Variants in JAG1 observed in about 807,000 individuals in gnomAD.
The protein encoded by JAG1 is protein jagged-1.
Under a neutral mutation model 148.7 loss-of-function variants are expected in JAG1, and 23 were observed. The observed-to-expected ratio is 0.15, with a 90% confidence interval of 0.11 to 0.22. The LOEUF is 0.22. Among genes scored for constraint, JAG1 ranks in the 10% least tolerant of loss-of-function variants. The probability of loss-of-function intolerance (pLI) is 1.00; values close to 1 mark genes in which losing one functional copy is unlikely to be tolerated. For synonymous variants in JAG1, 572 were observed against 598.3 expected, an observed-to-expected ratio of 0.96 and a Z score of 0.64; for missense variants, 1,054 against 1,611.2, an observed-to-expected ratio of 0.65 and a Z score of 5.92.
chr20:10,641,722 G>A, intron 22 of JAG1, 29 bp from the exon 23 acceptor site: 1 of 1,610,330 alleles, frequency 6.2e-7, no homozygotes, highest in South Asian at 1.1e-5. Context: ...TGGCAGCTTA[G>A]CAGGCATGCT....
At chr20:10,661,407 G>A (rs115265888) in intron 3 of JAG1, among the ~76,000 whole-genome samples, 283 of 152,302 alleles carry the variant, frequency 1.9e-3, no homozygotes, top group African/African-American at 6.6e-3. Flanking sequence ...TCCAGAGGGA[G>A]TGGCTGAGGG....
chr20:10,648,557 G>C lies in JAG1; in HGVS notation c.1561C>G (p.Leu521Val), dbSNP rs778085785. 5.6e-6 allele frequency: 9 copies of C among 1,613,456 alleles called. No individual in the cohort carries two copies. The South Asian group carries it at 9.9e-5, about 18-fold the overall frequency. Reference protein sequence around the residue: ...CLCPTGFSGNLCQLDIDYCEP... With the variant: ...CLCPTGFSGNVCQLDIDYCEP... Reference sequence around the variant, plus strand: ...GTTTTGCCACCACTCACCTGACAGAGGTTTCCAGAGAAACCAGTGGGACAC... The same window carrying C: ...GTTTTGCCACCACTCACCTGACAGACGTTTCCAGAGAAACCAGTGGGACAC... Residue 521 changes from leucine (L) to valine (V), a missense_variant, in exon 12 of 26, where the codon CTC becomes GTC. Physicochemically the swap from Leu to Val is conservative, Grantham distance 32 (BLOSUM62 1). This residue lies in a region of JAG1 where 245 missense variants were observed against 373.1 expected (regional missense o/e 0.66). Coordinates refer to ENST00000254958, the MANE Select transcript of JAG1 (RefSeq NM_000214.3).
In JAG1 at chr20:10,639,963, G is replaced by A; in HGVS notation, c.3200-8C>T. On this transcript the variant is annotated splice_polypyrimidine_tract_variant and splice_region_variant and intron_variant, in intron 25 of 25. Transcript: ENST00000254958. ...GCAAGGGAACAAGGAAATCTGTAAG[G>A]CAGGCACAAAACCAATTAACTCTCC... 6.2e-7 allele frequency: 1 copy of A among 1,608,470 alleles called. No individual in the cohort carries two copies.
At position 10,672,971 on chromosome 20, in the gene JAG1, G is replaced by T; in HGVS notation, c.117C>A (p.Ile39=). 6.2e-7 allele frequency: 1 copy of T among 1,611,708 alleles called. No individual in the cohort carries two copies. Among genetic ancestry groups the T allele is most frequent in the Admixed American group, 1.7e-5 (1 of 60,026 alleles). Residue 39 remains isoleucine, a synonymous_variant, in exon 2 of 26, where the codon ATC becomes ATA. Transcript: ENST00000254958. ...CGASGQFELE[I]LSMQNVNGEL... ...CCCCGTTCACGTTCTGCATGGACAGGATCTCCAACTCGAACTGACCCGAGG... is the reference window on the plus strand; with the variant it reads ...CCCCGTTCACGTTCTGCATGGACAGTATCTCCAACTCGAACTGACCCGAGG...
At chr20:10,659,466 T>C (rs2067400194) in intron 3 of JAG1, among the ~76,000 whole-genome samples, 1 of 151,916 alleles carries the variant, frequency 6.6e-6, no homozygotes, top group African/African-American at 2.4e-5. Context: ...AGGTCAGCAA[T>C]CATTTCTGGT....
intron 3 of JAG1, among the ~76,000 whole-genome samples, chr20:10,662,816 T>TCC (rs917529376): frequency 6.6e-5 from 10 of 151,306 alleles, no homozygotes; most frequent in African/African-American, 2.4e-4. Flanking sequence ...TTTCATGAGC[T>TCC]CCCCCTCCAG....
chr20:10,666,608 C>T (rs774638869), intron 2 of JAG1, among the ~76,000 whole-genome samples: 5 of 152,196 alleles, frequency 3.3e-5, no homozygotes, highest in Non-Finnish European at 5.9e-5. Context: ...AGTCACCTGG[C>T]TTTCATCTTT....
chr20:10,652,387 C>T (rs931438515), intron 6 of JAG1, 81 bp downstream of exon 6: 53 of 1,599,762 alleles, frequency 3.3e-5, no homozygotes, highest in Non-Finnish European at 4.4e-5. Flanking sequence ...GAATAAAAGC[C>T]CCTGCCAATA....
chr20:10,664,452 C>T (rs532813270), intron 2 of JAG1, among the ~76,000 whole-genome samples: 10 of 151,198 alleles, frequency 6.6e-5, no homozygotes, highest in South Asian at 2.1e-4. Flanking sequence ...GTATTTGTAC[C>T]GAGGGGGTAT....
rs2067289251 is a variant in JAG1, at chr20:10,643,769, A to G, written c.2458+9T>C. 6 of 1,611,236 alleles carry G rather than the reference A, an allele frequency of 3.7e-6. No homozygotes were observed. The highest frequency in any genetic ancestry group is 5.1e-6 in the Non-Finnish European group (6 of 1,177,370). Reference sequence around the variant, plus strand: ...GCCATTGGGAAAACCAGACGGAGACAGTCCTTACTTATTCTGCAGTCGGGC... The same window carrying G: ...GCCATTGGGAAAACCAGACGGAGACGGTCCTTACTTATTCTGCAGTCGGGC... On this transcript the variant is annotated intron_variant, in intron 20 of 25. Coordinates refer to ENST00000254958, the MANE Select transcript of JAG1 (RefSeq NM_000214.3).
chr20:10,650,622 G>A (rs905133880), intron 8 of JAG1: 11 of 485,954 alleles, frequency 2.3e-5, no homozygotes, highest in Middle Eastern at 5.8e-4. Flanking sequence ...CGGAGCATCC[G>A]CCCAGGAGGA....
At chr20:10,651,881 T>C (rs2067348939) in intron 7 of JAG1, among the ~76,000 whole-genome samples, 187 bp from the exon 8 acceptor site, 1 of 152,184 alleles carries the variant, frequency 6.6e-6, no homozygotes, top group South Asian at 2.1e-4. Flanking sequence ...CTGAGCTGTC[T>C]CTAACCACAT....
Position 10,672,861 on chromosome 20 carries a change from T to C in JAG1, c.227A>G (p.Lys76Arg). Reference protein sequence around the residue: ...CTRDECDTYFKVCLKEYQSRV... With the variant: ...CTRDECDTYFRVCLKEYQSRV... Reference sequence around the variant, plus strand: ...GGACTGATACTCCTTGAGGCACACTTTGAAGTATGTGTCACACTCGTCGCG... The same window carrying C: ...GGACTGATACTCCTTGAGGCACACTCTGAAGTATGTGTCACACTCGTCGCG... The change falls in exon 2 of 26, where the codon AAA becomes AGA. Residue 76 changes from lysine (K) to arginine (R), a missense_variant. Physicochemically the swap from Lys to Arg is conservative, Grantham distance 26 (BLOSUM62 2). Coordinates refer to ENST00000254958, the MANE Select transcript of JAG1 (RefSeq NM_000214.3). The C allele has an allele frequency of 6.2e-7, 1 of 1,613,274 alleles. No homozygotes were observed. Among genetic ancestry groups the C allele is most frequent in the Non-Finnish European group, 8.5e-7 (1 of 1,180,026 alleles).
intron 14 of JAG1, chr20:10,646,471 TCAAC>T: frequency 2.8e-6 from 1 of 362,480 alleles, no homozygotes; most frequent in Non-Finnish European, 5.3e-6. Context: ...AGGATAAGTC[TCAAC>T]CAGTCTCCCC....
At chr20:10,648,191 GCACTGGAATCTGA>G in intron 12 of JAG1, 81 bp from the exon 13 acceptor site, 2 of 1,535,646 alleles carry the variant, frequency 1.3e-6, no homozygotes, top group Non-Finnish European at 1.8e-6. Flanking sequence ...GGGGCAGCAG[GCACTGGAATCTGA>G]CAGTTCCTTC....
At chr20:10,655,192 G>C (rs1282249670) in intron 5 of JAG1, among the ~76,000 whole-genome samples, 1 of 152,178 alleles carries the variant, frequency 6.6e-6, no homozygotes, top group Non-Finnish European at 1.5e-5. Context: ...GGGAACAGAC[G>C]GAGCGGTGGA....
intron 2 of JAG1, among the ~76,000 whole-genome samples, chr20:10,668,907 T>C (rs2067475514): frequency 6.6e-6 from 1 of 152,148 alleles, no homozygotes; most frequent in African/African-American, 2.4e-5. Flanking sequence ...CTTAAGTCCC[T>C]GTAGAATTAC....
In JAG1 at chr20:10,658,669, G is replaced by A. The variant is rs749293754; in HGVS notation, c.493C>T (p.Arg165Trp). Residue 165 changes from arginine to tryptophan, a missense_variant, in exon 4 of 26, where the codon CGG (arginine) becomes TGG (tryptophan). Arg to Trp is a moderately radical substitution (Grantham distance 101). Coordinates refer to ENST00000254958, the MANE Select transcript of JAG1 (RefSeq NM_000214.3). ...TTCTGCTTCAGCGTCTGCCACTGCC[G>A]GCTGGGGTTGATCATGCCCGAGTGA... is the stretch of plus-strand genomic sequence containing the variant. ...ASHSGMINPS[R>W]QWQTLKQNTG... The A allele has an allele frequency of 7.1e-5, 115 of 1,614,084 alleles. 2 individuals carry two copies. In the Admixed American group the frequency reaches 1.5e-3, roughly 21 times the overall value.
At chr20:10,643,244 G>A (rs2067285445) in intron 20 of JAG1, among the ~76,000 whole-genome samples, 1 of 152,182 alleles carries the variant, frequency 6.6e-6, no homozygotes, top group South Asian at 2.1e-4. Flanking sequence ...TGTTCTGTAA[G>A]AGAAAGGGCT....
Sources: gnomAD v4.1 joint callset for allele counts (sites outside exome capture counted in the v4.1 genomes callset) on GRCh38, gnomAD v4.1.1 for gene constraint, gnomAD v4.1.1 regional missense constraint, MANE v1.5 for transcripts, NCBI Gene and HGNC (gene_info 2026-07-23, HGNC 2026-07-21) for gene names.